The following LUZP2 variants were observed in gnomAD, a reference collection of about 807,000 sequenced individuals.
The protein encoded by LUZP2 is leucine zipper protein 2.
In LUZP2, 52 loss-of-function variants were observed where a neutral mutation model predicts 51.6. The ratio of observed to expected loss-of-function variants is 1.01; its 90% CI spans 0.81 to 1.27. The LOEUF is 1.27. Ranked by LOEUF, LUZP2 falls within the 50% of genes most tolerant of loss-of-function variation. The pLI is 0.00. For missense variants in LUZP2, 436 were observed against 395.4 expected, an observed-to-expected ratio of 1.10 and a Z score of -0.87; for synonymous variants, 154 against 137.3, an observed-to-expected ratio of 1.12 and a Z score of -0.85.
chr11:24,986,330 A>G (rs1856186251), intron 9 of LUZP2, among the ~76,000 whole-genome samples: 1 of 151,706 alleles, frequency 6.6e-6, no homozygotes. Context: ...ATATAGTGCC[A>G]TAATCTGTGC....
At chr11:24,737,646 C>A (rs1858993172) in intron 3 of LUZP2, among the ~76,000 whole-genome samples, 1 of 152,098 alleles carries the variant, frequency 6.6e-6, no homozygotes, top group Non-Finnish European at 1.5e-5. Context: ...GCTTGAGACA[C>A]AATGAGTATA....
At chr11:24,998,176 T>C (rs1856565659) in intron 9 of LUZP2, among the ~76,000 whole-genome samples, 1 of 152,186 alleles carries the variant, frequency 6.6e-6, no homozygotes, top group Non-Finnish European at 1.5e-5. Flanking sequence ...GGTAACTTGA[T>C]GGGGATGGCA....
chr11:24,884,463 A>AT (rs1376608140), intron 5 of LUZP2, among the ~76,000 whole-genome samples: 11 of 152,156 alleles, frequency 7.2e-5, no homozygotes, highest in Non-Finnish European at 1.3e-4. Context: ...ACACCTAGTC[A>AT]TTTTTTCTCC....
intron 4 of LUZP2, among the ~76,000 whole-genome samples, chr11:24,756,141 AC>A (rs1020958655): frequency 2.6e-5 from 4 of 152,132 alleles, no homozygotes; most frequent in African/African-American, 9.7e-5. Context: ...TTAATCAATT[AC>A]CTATGACCTG....
chr11:24,965,127 T>A (rs1197508640), intron 7 of LUZP2, among the ~76,000 whole-genome samples: 1 of 151,250 alleles, frequency 6.6e-6, no homozygotes, highest in African/African-American at 2.4e-5. Context: ...CTAAACCAAA[T>A]AATTTTCAAA....
At chr11:25,028,595 A>G (rs1388968262) in intron 9 of LUZP2, among the ~76,000 whole-genome samples, 1 of 152,144 alleles carries the variant, frequency 6.6e-6, no homozygotes. Flanking sequence ...AATTAAAACA[A>G]TTGAACTCTA....
At chr11:24,765,405 G>T (rs976070761) in intron 5 of LUZP2, among the ~76,000 whole-genome samples, 1 of 152,120 alleles carries the variant, frequency 6.6e-6, no homozygotes, top group Non-Finnish European at 1.5e-5. Context: ...AATTAGGGAA[G>T]TGCCAAAAGA....
chr11:25,059,840 G>T (rs1283137435), intron 10 of LUZP2, among the ~76,000 whole-genome samples: 21 of 152,134 alleles, frequency 1.4e-4, no homozygotes. Flanking sequence ...GACCACAGAA[G>T]TGTAAACTTA....
At chr11:25,056,800 G>C (rs1275663926) in intron 10 of LUZP2, among the ~76,000 whole-genome samples, 2 of 151,908 alleles carry the variant, frequency 1.3e-5, no homozygotes, top group Admixed American at 1.3e-4. Context: ...AATATTTCAT[G>C]TTAAACACTT....
At chr11:24,678,926 C>A (rs561078537) in intron 1 of LUZP2, among the ~76,000 whole-genome samples, 5 of 152,210 alleles carry the variant, frequency 3.3e-5, no homozygotes, top group Admixed American at 3.3e-4. Context: ...GGCATCCAAG[C>A]CTGCACCGCA....
At chr11:24,763,205 G>T (rs1182883764) in intron 4 of LUZP2, 41 bp from the exon 5 acceptor site, 1 of 873,834 alleles carries the variant, frequency 1.1e-6, no homozygotes, top group East Asian at 2.9e-5. Context: ...CCATGGTAAT[G>T]AGTTTGGAAT....
chr11:24,949,764 C>T (rs1314308991), intron 7 of LUZP2, among the ~76,000 whole-genome samples: 1 of 151,620 alleles, frequency 6.6e-6, no homozygotes, highest in East Asian at 1.9e-4. Context: ...TATTTTCATA[C>T]ACAATGACAT....
intron 5 of LUZP2, among the ~76,000 whole-genome samples, chr11:24,833,712 G>GCACACACACACACACACACACACA (rs71044309): frequency 3.4e-5 from 5 of 147,234 alleles, no homozygotes; most frequent in South Asian, 4.4e-4. Flanking sequence ...CCGCGCGCGC[G>GCACACACACACACACACACACACA]CACACACACA....
intron 5 of LUZP2, among the ~76,000 whole-genome samples, chr11:24,897,069 C>T (rs1332799697): frequency 6.6e-6 from 1 of 152,110 alleles, no homozygotes; most frequent in East Asian, 1.9e-4. Flanking sequence ...CCAATCAGTG[C>T]TCTGTGTCTA....
chr11:24,936,168 C>A (rs181649034), intron 7 of LUZP2, among the ~76,000 whole-genome samples: 3 of 152,136 alleles, frequency 2.0e-5, no homozygotes, highest in East Asian at 3.9e-4. Flanking sequence ...TAAAAGTTCA[C>A]AAATTTTATA....
chr11:24,884,668 G>T (rs16913459), intron 5 of LUZP2, among the ~76,000 whole-genome samples: 1 of 151,942 alleles, frequency 6.6e-6, no homozygotes, highest in Non-Finnish European at 1.5e-5. Context: ...ACAAGAACTA[G>T]AACTACTAGA....
At chr11:24,912,860 C>T (rs2133799277) in intron 6 of LUZP2, among the ~76,000 whole-genome samples, 1 of 152,208 alleles carries the variant, frequency 6.6e-6, no homozygotes, top group Non-Finnish European at 1.5e-5. Context: ...AATAAACTTG[C>T]AGTTGGTTCA....
chr11:24,817,683 A>G (rs1438081869), intron 5 of LUZP2, among the ~76,000 whole-genome samples: 1 of 152,022 alleles, frequency 6.6e-6, no homozygotes, highest in Non-Finnish European at 1.5e-5. Context: ...AGGGATTGGT[A>G]TTTTTTTCTA....
intron 1 of LUZP2, among the ~76,000 whole-genome samples, chr11:24,666,608 T>G (rs1448113655): frequency 6.6e-6 from 1 of 152,112 alleles, no homozygotes; most frequent in African/African-American, 2.4e-5. Flanking sequence ...GCATTATCTA[T>G]AAAAGCTGTG....
Sources: allele counts gnomAD v4.1 joint callset (sites outside exome capture counted in the v4.1 genomes callset), GRCh38; gene constraint gnomAD v4.1.1; transcripts MANE v1.5; gene names NCBI Gene and HGNC (gene_info 2026-07-23, HGNC 2026-07-21).